The following C8orf34 variants were observed in gnomAD, a reference collection of about 807,000 sequenced individuals.
The protein encoded by C8orf34 is uncharacterized protein C8orf34.
Under a neutral mutation model 68.3 loss-of-function variants are expected in C8orf34, and 65 were observed. The observed-to-expected ratio is 0.95, with a 90% CI of 0.78 to 1.17. C8orf34 has a LOEUF of 1.17. C8orf34 is among the 50% of genes most tolerant of loss of function. The pLI, the probability that C8orf34 is intolerant of heterozygous loss-of-function variation, is 0.00. For missense variants in C8orf34, 664 were observed against 655.4 expected (o/e 1.01, Z -0.14); for synonymous variants, 244 against 241.2 (o/e 1.01, Z -0.11).
chr8:68,754,874 T>C (rs1401027664), intron 10 of C8orf34, among the ~76,000 whole-genome samples: 1 of 152,242 alleles, frequency 6.6e-6, no homozygotes, highest in African/African-American at 2.4e-5. Flanking sequence ...CTATTAACTT[T>C]GGTTAAACAT....
intron 1 of C8orf34, among the ~76,000 whole-genome samples, chr8:68,372,846 G>A (rs1269639359): frequency 6.6e-6 from 1 of 152,146 alleles, no homozygotes; most frequent in East Asian, 1.9e-4. Flanking sequence ...GTGAGAACAT[G>A]CGATGTTTGG....
chr8:68,402,705 A>G (rs1809011489), intron 1 of C8orf34, among the ~76,000 whole-genome samples: 1 of 152,126 alleles, frequency 6.6e-6, no homozygotes, highest in African/African-American at 2.4e-5. Flanking sequence ...AATTTCCAAT[A>G]TTTGTATAGT....
At chr8:68,796,826 T>TC (rs1219396252) in intron 12 of C8orf34, among the ~76,000 whole-genome samples, 4 of 78,110 alleles carry the variant, frequency 5.1e-5, no homozygotes, top group African/African-American at 6.9e-5. Context: ...GTTCTTCTTT[T>TC]TTTTTTTTTT....
chr8:68,581,627 G>C (rs1586404924), intron 7 of C8orf34, among the ~76,000 whole-genome samples: 2 of 152,140 alleles, frequency 1.3e-5, no homozygotes, highest in African/African-American at 4.8e-5. Flanking sequence ...TCATACTGCT[G>C]TGGTGCAGAC....
At chr8:68,601,998 C>T (rs1308523849) in intron 7 of C8orf34, among the ~76,000 whole-genome samples, 1 of 152,110 alleles carries the variant, frequency 6.6e-6, no homozygotes, top group Non-Finnish European at 1.5e-5. Flanking sequence ...TCAGCTCCCT[C>T]CCCCACCATC....
At chr8:68,497,389 G>A (rs1397739458) in intron 5 of C8orf34, among the ~76,000 whole-genome samples, 1 of 152,198 alleles carries the variant, frequency 6.6e-6, no homozygotes, top group Non-Finnish European at 1.5e-5. Context: ...TGGAAACACA[G>A]ACAATTTCAC....
At chr8:68,782,292 A>AC (rs1823699440) in intron 11 of C8orf34, among the ~76,000 whole-genome samples, 1 of 152,024 alleles carries the variant, frequency 6.6e-6, no homozygotes, top group African/African-American at 2.4e-5. Context: ...TAAATCTACA[A>AC]TTTTTTACAT....
intron 8 of C8orf34, among the ~76,000 whole-genome samples, chr8:68,653,651 A>C (rs554548520): frequency 1.3e-5 from 2 of 152,298 alleles, no homozygotes; most frequent in East Asian, 3.9e-4. Context: ...CACATGGTGG[A>C]AAGACAGCTG....
intron 10 of C8orf34, among the ~76,000 whole-genome samples, chr8:68,751,256 T>G (rs1822697686): frequency 6.6e-6 from 1 of 152,150 alleles, no homozygotes; most frequent in African/African-American, 2.4e-5. Flanking sequence ...ATGCTTACTA[T>G]AAGCTGATTT....
At chr8:68,695,721 T>C (rs2130919532) in intron 8 of C8orf34, 1 of 152,196 alleles carries the variant, frequency 6.6e-6, no homozygotes, top group East Asian at 1.9e-4. Context: ...TGTTTAGTAC[T>C]TGGATGGGAG....
intron 2 of C8orf34, among the ~76,000 whole-genome samples, chr8:68,440,185 G>C (rs1217957417): frequency 6.6e-6 from 1 of 152,174 alleles, no homozygotes; most frequent in East Asian, 1.9e-4. Flanking sequence ...AAAGAATTGA[G>C]TAGACTTGAA....
chr8:68,534,273 C>G (rs1815372092), intron 7 of C8orf34: 1 of 985,326 alleles, frequency 1.0e-6, no homozygotes, highest in African/African-American at 1.7e-5. Context: ...TGCTGTTGGT[C>G]CCTTCCAATT....
chr8:68,367,938 G>GAAATAAAAAAA (rs1807380840), intron 1 of C8orf34, among the ~76,000 whole-genome samples: 1 of 63,578 alleles, frequency 1.6e-5, no homozygotes, highest in Admixed American at 1.5e-4. Context: ...AAAAAAAAAA[G>GAAATAAAAAAA]AAAAAAGTAC....
chr8:68,486,935 C>T (rs4563872), intron 4 of C8orf34, among the ~76,000 whole-genome samples: 44,372 of 151,952 alleles, frequency 0.29, 7,432 homozygotes, highest in Middle Eastern at 0.39. Context: ...CACCAACCCC[C>T]CTTTGCTCTG....
intron 8 of C8orf34, among the ~76,000 whole-genome samples, chr8:68,651,854 G>A (rs1819369965): frequency 1.3e-5 from 2 of 152,052 alleles, no homozygotes; most frequent in Non-Finnish European, 2.9e-5. Flanking sequence ...CCTCTATTAT[G>A]CAGTATACCT....
chr8:68,455,960 G>A (rs1478241786), intron 3 of C8orf34, among the ~76,000 whole-genome samples: 1 of 151,722 alleles, frequency 6.6e-6, no homozygotes, highest in Non-Finnish European at 1.5e-5. Flanking sequence ...AAAAATTTCT[G>A]TCTAGCCGGG....
intron 7 of C8orf34, among the ~76,000 whole-genome samples, chr8:68,618,067 A>G (rs1372753303): frequency 6.6e-6 from 1 of 151,978 alleles, no homozygotes; most frequent in East Asian, 1.9e-4. Flanking sequence ...TACCAATTTA[A>G]AATTCATCTT....
At chr8:68,685,146 T>C (rs1820477170) in intron 8 of C8orf34, among the ~76,000 whole-genome samples, 1 of 152,154 alleles carries the variant, frequency 6.6e-6, no homozygotes, top group South Asian at 2.1e-4. Context: ...TATATGTACT[T>C]AATGCTTGAA....
intron 7 of C8orf34, among the ~76,000 whole-genome samples, chr8:68,555,522 T>C (rs1460033902): frequency 6.6e-6 from 1 of 152,136 alleles, no homozygotes; most frequent in Non-Finnish European, 1.5e-5. Context: ...AAAACTCTTA[T>C]ACTATTAATT....
Sources: gnomAD v4.1 joint callset for allele counts (sites outside exome capture counted in the v4.1 genomes callset) on GRCh38, gnomAD v4.1.1 for gene constraint, MANE v1.5 for transcripts, NCBI Gene and HGNC (gene_info 2026-07-23, HGNC 2026-07-21) for gene names.